Variants in RBMS1 observed in about 807,000 individuals in gnomAD.
RBMS1 encodes RNA-binding motif, single-stranded-interacting protein 1.
Under a neutral mutation model 62.3 loss-of-function variants are expected in RBMS1, and 17 were observed. That is an observed-to-expected ratio of 0.27 (90% confidence interval 0.19 to 0.41). RBMS1 has a LOEUF of 0.41. Among genes scored for constraint, RBMS1 ranks in the 10% least tolerant of loss-of-function variants. RBMS1 has a pLI of 1.00. For synonymous variants in RBMS1, 172 were observed against 170.0 expected (o/e 1.01, Z -0.09); for missense variants, 334 against 504.5 (o/e 0.66, Z 3.24).
chr2:160,348,933 G>A (rs1042613556), intron 2 of RBMS1, among the ~76,000 whole-genome samples: 9 of 152,068 alleles, frequency 5.9e-5, no homozygotes, highest in Admixed American at 1.3e-4. Flanking sequence ...GTTTATTAAT[G>A]TTTTATAGAG....
chr2:160,303,679 G>A (rs986344187), intron 4 of RBMS1, among the ~76,000 whole-genome samples, 192 bp from the exon 5 acceptor site: 4 of 152,148 alleles, frequency 2.6e-5, no homozygotes, highest in Non-Finnish European at 5.9e-5. Flanking sequence ...GGCCAGACAC[G>A]ATCCCACCAA....
intron 1 of RBMS1, among the ~76,000 whole-genome samples, chr2:160,477,394 C>A (rs1277737255): frequency 6.6e-6 from 1 of 152,116 alleles, no homozygotes; most frequent in Non-Finnish European, 1.5e-5. Context: ...TATATACTTG[C>A]TTCAGTTTGC....
chr2:160,311,585 T>C (rs1410482506), intron 4 of RBMS1, among the ~76,000 whole-genome samples: 1 of 152,044 alleles, frequency 6.6e-6, no homozygotes, highest in Admixed American at 6.6e-5. Flanking sequence ...CAGAAGACAG[T>C]ATAAAATTAC....
At chr2:160,324,907 TACAC>T (rs1183675474) in intron 2 of RBMS1, among the ~76,000 whole-genome samples, 143 of 106,788 alleles carry the variant, frequency 1.3e-3, no homozygotes, top group African/African-American at 4.6e-3. Context: ...TATATATATA[TACAC>T]ACACACACAC....
intron 1 of RBMS1, among the ~76,000 whole-genome samples, chr2:160,370,411 G>A (rs1173451657): frequency 1.3e-5 from 2 of 152,186 alleles, no homozygotes; most frequent in African/African-American, 2.4e-5. Context: ...GAGGTGGGTG[G>A]ATCACGGAGT....
At chr2:160,431,449 T>C (rs1682891918) in intron 1 of RBMS1, among the ~76,000 whole-genome samples, 1 of 151,996 alleles carries the variant, frequency 6.6e-6, no homozygotes, top group South Asian at 2.1e-4. Context: ...TAAGTATAAA[T>C]GTTAAGTTAT....
intron 12 of RBMS1, among the ~76,000 whole-genome samples, chr2:160,276,862 G>A (rs570089244): frequency 6.6e-6 from 1 of 152,304 alleles, no homozygotes; most frequent in South Asian, 2.1e-4. Context: ...CGAGGGGTAT[G>A]AAAGGCACTA....
chr2:160,323,608 G>GAAAAAAA (rs1491379305), intron 2 of RBMS1, among the ~76,000 whole-genome samples: 1 of 84,738 alleles, frequency 1.2e-5, no homozygotes, highest in African/African-American at 4.4e-5. Context: ...AGAATTTCAT[G>GAAAAAAA]AAAGAAAAAA....
intron 2 of RBMS1, chr2:160,366,970 G>A (rs970613023): frequency 3.2e-6 from 1 of 312,432 alleles, no homozygotes; most frequent in Admixed American, 4.8e-5. Flanking sequence ...CTTCTCATAT[G>A]CCCATAAAGT....
chr2:160,357,214 G>T lies in RBMS1; in HGVS notation c.251+10002C>A, dbSNP rs144282288. Among the ~76,000 whole-genome samples, 34 of 152,192 alleles carry T rather than the reference G, an allele frequency of 2.2e-4. 1 individual carries two copies. In the East Asian group the frequency reaches 6.0e-3, roughly 27 times the overall value. Reference sequence around the variant, plus strand: ...CTTCAATCACAGAGAAGGAAAGGGTGATTTTTAAAAAAATTCTTATGGTTA... The same window carrying T: ...CTTCAATCACAGAGAAGGAAAGGGTTATTTTTAAAAAAATTCTTATGGTTA... On this transcript the variant is annotated intron_variant, in intron 2 of 13. Coordinates refer to ENST00000348849, the MANE Select transcript of RBMS1 (RefSeq NM_016836.4).
chr2:160,389,962 G>A (rs972280113), intron 1 of RBMS1, among the ~76,000 whole-genome samples: 9 of 152,056 alleles, frequency 5.9e-5, no homozygotes, highest in African/African-American at 1.9e-4. Context: ...TAAGACTCAA[G>A]AAACTTAAGT....
chr2:160,320,482 CA>C (rs1363460798), intron 2 of RBMS1, among the ~76,000 whole-genome samples: 1 of 152,126 alleles, frequency 6.6e-6, no homozygotes, highest in Admixed American at 6.5e-5. Context: ...CAAAACAAAA[CA>C]AAAACTCCCA....
At chr2:160,449,595 G>C (rs1683872703) in intron 1 of RBMS1, among the ~76,000 whole-genome samples, 1 of 152,190 alleles carries the variant, frequency 6.6e-6, no homozygotes, top group African/African-American at 2.4e-5. Flanking sequence ...GGCGGTGCAA[G>C]ATGTGCTTTG....
intron 4 of RBMS1, among the ~76,000 whole-genome samples, chr2:160,305,605 T>C (rs1320311039): frequency 1.3e-5 from 2 of 152,136 alleles, no homozygotes; most frequent in South Asian, 2.1e-4. Flanking sequence ...CAACACATGA[T>C]TGCACACTGG....
intron 1 of RBMS1, among the ~76,000 whole-genome samples, chr2:160,470,263 G>T (rs1174676860): frequency 6.6e-6 from 1 of 152,098 alleles, no homozygotes; most frequent in East Asian, 1.9e-4. Context: ...GTATTTTCCT[G>T]ATTATATGAA....
chr2:160,385,480 C>T (rs1422854916), intron 1 of RBMS1, among the ~76,000 whole-genome samples: 1 of 152,184 alleles, frequency 6.6e-6, no homozygotes, highest in East Asian at 1.9e-4. Flanking sequence ...GCCACTTCCC[C>T]AGAAGAGGTC....
At chr2:160,387,956 A>C (rs956020357) in intron 1 of RBMS1, among the ~76,000 whole-genome samples, 44 of 152,316 alleles carry the variant, frequency 2.9e-4, no homozygotes, top group African/African-American at 1.0e-3. Context: ...TGACCTCTGA[A>C]ACTATTTCCA....
chr2:160,481,865 G>A lies in RBMS1; in HGVS notation c.75+11424C>T, dbSNP rs1685386053. On this transcript the variant is annotated intron_variant, in intron 1 of 13. Transcript: ENST00000348849. The stretch of plus-strand genomic sequence containing the variant: ...ACTGACAATATCAAGTTTTAGTGAG[G>A]ACATAGAGCAATTAGATTTCTCATG... 4.6e-5 allele frequency among the ~76,000 whole-genome samples: 7 copies of A among 152,124 alleles called. No individual in the cohort carries two copies. In the South Asian group the frequency reaches 1.2e-3, roughly 27 times the overall value.
chr2:160,407,031 G>GACAC (rs147853303), intron 1 of RBMS1, among the ~76,000 whole-genome samples: 1 of 151,410 alleles, frequency 6.6e-6, no homozygotes, highest in South Asian at 2.1e-4. Context: ...CAGAGACACA[G>GACAC]ACACACACAC....
Sources: gnomAD v4.1 joint callset for allele counts (sites outside exome capture counted in the v4.1 genomes callset) on GRCh38, gnomAD v4.1.1 for gene constraint, MANE v1.5 for transcripts, NCBI Gene and HGNC (gene_info 2026-07-23, HGNC 2026-07-21) for gene names.